The following EDAR variants were observed in gnomAD, a reference collection of about 807,000 sequenced individuals.
EDAR encodes tumor necrosis factor receptor superfamily member EDAR.
In EDAR, 38 loss-of-function variants were observed where a neutral mutation model predicts 51.3. That is an observed-to-expected ratio of 0.74 (90% CI 0.57 to 0.97). EDAR has a LOEUF of 0.97. Ranked by LOEUF, EDAR falls within the 50% of genes least tolerant of loss-of-function variation. The pLI is 0.00. For missense variants in EDAR, 528 were observed against 595.0 expected, an observed-to-expected ratio of 0.89 and a Z score of 1.17; for synonymous variants, 227 against 242.1, an observed-to-expected ratio of 0.94 and a Z score of 0.58.
rs1696614874 is a variant in EDAR, at chr2:108,897,159, G to C, written c.1095C>G (p.Asn365Lys). 6.2e-7 allele frequency: 1 copy of C among 1,613,774 alleles called. No homozygotes were observed. Residue 365 changes from asparagine (N) to lysine (K), a missense_variant, in exon 12 of 12, where the codon AAC becomes AAG. Physicochemically the swap from Asn to Lys is moderately conservative, Grantham distance 94 (BLOSUM62 0). Coordinates refer to ENST00000258443, the MANE Select transcript of EDAR (RefSeq NM_022336.4). ...KTSRMLSSTY[N>K]SEKAVVKTWR... ...ACGTTTTCACAACAGCCTTCTCAGA[G>C]TTGTACGTGGAGCTGAGCATTCGGC...
intron 1 of EDAR, among the ~76,000 whole-genome samples, chr2:108,965,436 A>G (rs10179216): frequency 0.67 from 100,841 of 149,620 alleles, 37,837 homozygotes; most frequent in Non-Finnish European, 0.86. Context: ...CTGCACTCCA[A>G]CCTGGGAGAC....
intron 1 of EDAR, among the ~76,000 whole-genome samples, chr2:108,983,217 T>G (rs1410133272): frequency 3.3e-5 from 5 of 152,224 alleles, no homozygotes; most frequent in Non-Finnish European, 5.9e-5. Context: ...CTGATTTATC[T>G]TCTTCATTAT....
At chr2:108,917,963 T>C (rs1435901214) in intron 5 of EDAR, among the ~76,000 whole-genome samples, 4 of 151,862 alleles carry the variant, frequency 2.6e-5, no homozygotes, top group Non-Finnish European at 5.9e-5. Flanking sequence ...CTACTCTGCA[T>C]TACCCCTAAA....
intron 1 of EDAR, among the ~76,000 whole-genome samples, chr2:108,935,646 T>TCACA (rs145008294): frequency 7.9e-5 from 12 of 151,666 alleles, no homozygotes; most frequent in African/African-American, 2.7e-4. Flanking sequence ...GCACCCCTTT[T>TCACA]CACACACACA....
At chr2:108,966,813 C>T (rs536602444) in intron 1 of EDAR, among the ~76,000 whole-genome samples, 14 of 152,300 alleles carry the variant, frequency 9.2e-5, no homozygotes, top group Non-Finnish European at 1.6e-4. Context: ...TGCCTGGGGA[C>T]CACTATTCTT....
intron 1 of EDAR, among the ~76,000 whole-genome samples, chr2:108,946,126 C>T (rs1275145392): frequency 6.6e-6 from 1 of 152,206 alleles, no homozygotes; most frequent in Non-Finnish European, 1.5e-5. Flanking sequence ...CTCCTCCTGG[C>T]AGTCGTCCAC....
chr2:108,967,044 T>C (rs1181783923), intron 1 of EDAR, among the ~76,000 whole-genome samples: 3 of 152,152 alleles, frequency 2.0e-5, no homozygotes, highest in African/African-American at 7.2e-5. Context: ...AAGCAATTCT[T>C]CTGCCTCAGC....
Position 108,894,872 on chromosome 2 carries a change from G to A in EDAR, c.*2035C>T, listed in dbSNP as rs1696551046. ...GCCTTACAGCCCCAGAATTCTAATA[G>A]TGTGAAATGAGGCCAAAGCACCAGG... On this transcript the variant is annotated 3_prime_UTR_variant, in exon 12 of 12. Transcript: ENST00000258443. 6.6e-6 allele frequency: 1 copy of A among 152,212 alleles called. No homozygotes were observed. The highest frequency in any genetic ancestry group is 2.4e-5 in the African/African-American group (1 of 41,444). 9.4% of individuals were successfully genotyped at this position (152,212 alleles called of 1,614,324 possible).
chr2:108,930,906 C>T (rs1350515556), intron 2 of EDAR, 58 bp downstream of exon 2: 4 of 1,583,402 alleles, frequency 2.5e-6, no homozygotes, highest in African/African-American at 1.3e-5. Flanking sequence ...GGCCAAGAAA[C>T]AGTCCAACCA....
intron 4 of EDAR, among the ~76,000 whole-genome samples, chr2:108,925,292 T>C (rs891626301): frequency 6.6e-6 from 1 of 152,260 alleles, no homozygotes; most frequent in Non-Finnish European, 1.5e-5. Context: ...GGAACTTTGA[T>C]GCTGAGGTGG....
intron 1 of EDAR, among the ~76,000 whole-genome samples, chr2:108,982,546 C>G (rs550361136): frequency 1.6e-3 from 244 of 152,346 alleles, no homozygotes; most frequent in African/African-American, 5.5e-3. Context: ...AAATATTTGC[C>G]TTCAAAAGCA....
At chr2:108,927,428 C>T (rs1697277438) in intron 4 of EDAR, among the ~76,000 whole-genome samples, 1 of 152,216 alleles carries the variant, frequency 6.6e-6, no homozygotes, top group South Asian at 2.1e-4. Context: ...ACCACCCTTC[C>T]AGTGTCCAAC....
At chr2:108,942,191 A>C (rs1697613813) in intron 1 of EDAR, among the ~76,000 whole-genome samples, 1 of 152,196 alleles carries the variant, frequency 6.6e-6, no homozygotes, top group South Asian at 2.1e-4. Flanking sequence ...CCAGCATTGC[A>C]AGGGAGGCAC....
intron 1 of EDAR, among the ~76,000 whole-genome samples, chr2:108,985,497 C>A (rs1292047222): frequency 6.6e-6 from 1 of 152,214 alleles, no homozygotes; most frequent in Admixed American, 6.5e-5. Flanking sequence ...TTTCCATAGT[C>A]CTCTGTTTTC....
chr2:108,906,301 AG>A lies in EDAR; in HGVS notation c.1024+6del, dbSNP rs1696803821. 1.9e-6 allele frequency: 3 copies of A among 1,613,752 alleles called. No homozygotes were observed. In the African/African-American group the frequency reaches 4.0e-5, roughly 22 times the overall value. On this transcript the variant is annotated splice_donor_region_variant and intron_variant, in intron 11 of 11. Coordinates refer to ENST00000258443, the MANE Select transcript of EDAR (RefSeq NM_022336.4). ...ACCACCTCTCCCAGGCTTTTTTTTC[AG>A]CTTACCTTCCACGACTCCACACACG...
chr2:108,929,019 G>T (rs2105444094), intron 4 of EDAR, among the ~76,000 whole-genome samples, 179 bp downstream of exon 4: 1 of 152,358 alleles, frequency 6.6e-6, no homozygotes, highest in Non-Finnish European at 1.5e-5. Flanking sequence ...CTGTCCACCG[G>T]AGGGGCCAGG....
chr2:108,913,184 T>C (rs1396269388), intron 5 of EDAR, among the ~76,000 whole-genome samples: 8 of 152,136 alleles, frequency 5.3e-5, no homozygotes, highest in Admixed American at 1.3e-4. Flanking sequence ...CTCCTGACCT[T>C]GTGATCTGCC....
chr2:108,916,604 C>T (rs573158872), intron 5 of EDAR, among the ~76,000 whole-genome samples: 24 of 152,290 alleles, frequency 1.6e-4, no homozygotes, highest in Middle Eastern at 6.8e-3. Flanking sequence ...TAAACGGTCC[C>T]CAACTGTGCC....
chr2:108,923,758 A>G (rs1247194984), intron 4 of EDAR, among the ~76,000 whole-genome samples: 6 of 152,190 alleles, frequency 3.9e-5, no homozygotes, highest in Non-Finnish European at 8.8e-5. Flanking sequence ...TCCACCAGAA[A>G]TATCCCTGTG....
Sources: allele counts gnomAD v4.1 joint callset (sites outside exome capture counted in the v4.1 genomes callset), GRCh38; gene constraint gnomAD v4.1.1; transcripts MANE v1.5; gene names NCBI Gene and HGNC (gene_info 2026-07-23, HGNC 2026-07-21).